The following CACHD1 variants were observed in gnomAD, a reference collection of about 807,000 sequenced individuals.
The protein encoded by CACHD1 is VWFA and cache domain-containing protein 1.
CACHD1 carries 71 observed loss-of-function variants against 138.7 expected under a neutral mutation model. The observed-to-expected ratio is 0.51, with a 90% CI of 0.42 to 0.62. The LOEUF is 0.62. Among genes scored for constraint, CACHD1 ranks in the 20% least tolerant of loss-of-function variants. The pLI is 0.00. For synonymous variants in CACHD1, 578 were observed against 591.5 expected (o/e 0.98, Z 0.33); for missense variants, 1,389 against 1,625.3 (o/e 0.85, Z 2.50).
intron 4 of CACHD1, among the ~76,000 whole-genome samples, chr1:64,615,311 G>A (rs1052870518): frequency 6.6e-6 from 1 of 152,178 alleles, no homozygotes; most frequent in African/African-American, 2.4e-5. Context: ...AGGGAGGAAA[G>A]GAGAATTGAG....
intron 7 of CACHD1, among the ~76,000 whole-genome samples, chr1:64,634,995 CAAAAAAAAAAAA>C (rs71056059): frequency 1.6e-5 from 1 of 63,876 alleles, no homozygotes; most frequent in African/African-American, 6.9e-5. Context: ...GACTCTGTCT[CAAAAAAAAAAAA>C]AAAAAAAAAA....
At chr1:64,670,776 A>G (rs1262953742) in intron 16 of CACHD1, among the ~76,000 whole-genome samples, 3 of 152,232 alleles carry the variant, frequency 2.0e-5, no homozygotes, top group Non-Finnish European at 2.9e-5. Flanking sequence ...ACAGCCTTAT[A>G]AAGTAGGTAC....
Position 64,673,236 on chromosome 1 carries a change from G to A in CACHD1, c.2589G>A (p.Glu863=). ...ACCCCAAAGGACATGCACCTGTGGA[G>A]CAGCAGCACATCACCCACAAGGTAT... ...LIDPKGHAPV[E]QQHITHKEPL... The change falls in exon 18 of 27, where the codon GAG becomes GAA. Residue 863 remains glutamate (E), a synonymous_variant. Coordinates refer to ENST00000651257, the MANE Select transcript of CACHD1 (RefSeq NM_020925.4). 1.9e-6 allele frequency: 3 copies of A among 1,614,108 alleles called. No homozygotes were observed. Among genetic ancestry groups the A allele is most frequent in the Non-Finnish European group, 2.5e-6 (3 of 1,180,004 alleles).
chr1:64,684,259 C>T (rs1650283083), intron 26 of CACHD1, among the ~76,000 whole-genome samples: 2 of 151,912 alleles, frequency 1.3e-5, no homozygotes, highest in African/African-American at 4.8e-5. Flanking sequence ...TGTATCATTC[C>T]TTACATATCA....
chr1:64,669,081 GATTAA>G (rs138956188), intron 16 of CACHD1, among the ~76,000 whole-genome samples: 8,734 of 152,186 alleles, frequency 0.057, 333 homozygotes, highest in East Asian at 0.2. Flanking sequence ...TATTTTTAAA[GATTAA>G]ATTAAATAAT....
intron 2 of CACHD1, among the ~76,000 whole-genome samples, chr1:64,573,255 C>T (rs1476974237): frequency 1.3e-5 from 2 of 152,094 alleles, no homozygotes; most frequent in East Asian, 1.9e-4. Context: ...GAGACAGAAA[C>T]ACTAGAGTAC....
At chr1:64,636,862 C>G (rs1161552948) in intron 7 of CACHD1, among the ~76,000 whole-genome samples, 1 of 152,166 alleles carries the variant, frequency 6.6e-6, no homozygotes, top group Non-Finnish European at 1.5e-5. Context: ...CCATATTCTT[C>G]TTCTTAGAAG....
chr1:64,644,831 C>G (rs1408949396), intron 8 of CACHD1, among the ~76,000 whole-genome samples: 1 of 152,242 alleles, frequency 6.6e-6, no homozygotes, highest in Non-Finnish European at 1.5e-5. Context: ...GGCTCAGTGG[C>G]TTACGCCTGT....
intron 13 of CACHD1, among the ~76,000 whole-genome samples, 162 bp from the exon 14 acceptor site, chr1:64,663,533 A>G (rs1037831434): frequency 6.0e-5 from 9 of 149,694 alleles, no homozygotes; most frequent in African/African-American, 2.2e-4. Context: ...CCTGGGCCAC[A>G]GAGCGAGACT....
intron 1 of CACHD1, among the ~76,000 whole-genome samples, chr1:64,541,613 A>G (rs1039009603): frequency 2.0e-5 from 3 of 152,048 alleles, no homozygotes; most frequent in Non-Finnish European, 2.9e-5. Context: ...TTCGAGACCA[A>G]CCTGGACAAC....
In CACHD1 at chr1:64,658,740, G is replaced by A. The variant is rs1156640530; in HGVS notation, c.1818G>A (p.Val606=). 9 of 1,611,774 alleles carry A rather than the reference G, an allele frequency of 5.6e-6. No homozygotes were observed. Among genetic ancestry groups the A allele is most frequent in the Non-Finnish European group, 7.6e-6 (9 of 1,178,866 alleles). The change falls in exon 13 of 27, where the codon GTG becomes GTA. Residue 606 remains valine, a synonymous_variant. Transcript: ENST00000651257. ...CTTCCTTTATTCTGTGTATTGTGGT[G>A]ATACAACCAGAAATACCTGTGAAAC... The part of the protein sequence containing the change: ...QDTSFILCIV[V]IQPEIPVKQL...
In CACHD1 at chr1:64,691,826, T is replaced by C. The variant is rs1057078191; in HGVS notation, c.*265T>C. 6 of 448,882 alleles carry C rather than the reference T, an allele frequency of 1.3e-5. No homozygotes were observed. The highest frequency in any genetic ancestry group is 2.4e-5 in the Non-Finnish European group (6 of 245,650). 27.8% of individuals were successfully genotyped at this position (448,882 alleles called of 1,614,324 possible). A position where few individuals can be genotyped will look rare whatever the true frequency, so the allele number is the denominator to read the frequency against. The stretch of plus-strand genomic sequence containing the variant: ...GACCTGCCATAACACTAATGGAAGG[T>C]AACAGAAGGCGAACCTCCAAACACA... On this transcript the variant is annotated 3_prime_UTR_variant, in exon 27 of 27. Transcript: ENST00000651257.
intron 4 of CACHD1, among the ~76,000 whole-genome samples, chr1:64,606,371 G>A (rs1460474277): frequency 6.6e-6 from 1 of 152,126 alleles, no homozygotes; most frequent in African/African-American, 2.4e-5. Context: ...AGCATATCTG[G>A]GGCAAAGACC....
Position 64,632,755 on chromosome 1 carries a change from C to T in CACHD1, c.789+12C>T. On this transcript the variant is annotated intron_variant, in intron 6 of 26. Transcript: ENST00000651257. ...ATGAACATGACAAGGTGACCATGAC[C>T]CTTGTGACCCCTATGGCATCAGGTT... 6.2e-7 allele frequency: 1 copy of T among 1,613,960 alleles called. No individual in the cohort carries two copies. Among genetic ancestry groups the T allele is most frequent in the South Asian group, 1.1e-5 (1 of 91,060 alleles).
intron 3 of CACHD1, among the ~76,000 whole-genome samples, chr1:64,594,047 A>C (rs1261534228): frequency 6.6e-6 from 1 of 152,074 alleles, no homozygotes; most frequent in Non-Finnish European, 1.5e-5. Context: ...TGAGGTTAGG[A>C]GTTCGAGACC....
At chr1:64,500,588 C>T (rs1646332289) in intron 1 of CACHD1, among the ~76,000 whole-genome samples, 1 of 151,946 alleles carries the variant, frequency 6.6e-6, no homozygotes, top group East Asian at 1.9e-4. Context: ...CTCAGTGGCT[C>T]ATGTTTGTAA....
At chr1:64,550,739 A>G in intron 2 of CACHD1, 83 bp downstream of exon 2, 2 of 883,200 alleles carry the variant, frequency 2.3e-6, no homozygotes, top group South Asian at 1.5e-5. Flanking sequence ...AGCAATCTCC[A>G]CTTGAGGTTT....
chr1:64,639,060 C>G (rs934707569), intron 7 of CACHD1, among the ~76,000 whole-genome samples: 17 of 152,180 alleles, frequency 1.1e-4, no homozygotes, highest in African/African-American at 4.1e-4. Flanking sequence ...GGACCTTTGC[C>G]CTAGAAACAG....
intron 4 of CACHD1, among the ~76,000 whole-genome samples, chr1:64,608,205 G>A (rs1306043188): frequency 6.6e-6 from 1 of 152,150 alleles, no homozygotes; most frequent in Non-Finnish European, 1.5e-5. Flanking sequence ...TGACTTGCTT[G>A]CATTTGAAGT....
Sources: gnomAD v4.1 joint callset for allele counts (sites outside exome capture counted in the v4.1 genomes callset) on GRCh38, gnomAD v4.1.1 for gene constraint, MANE v1.5 for transcripts, NCBI Gene and HGNC (gene_info 2026-07-23, HGNC 2026-07-21) for gene names.